FAT3: variants seen among roughly 807,000 people sequenced by gnomAD.
FAT3 encodes protocadherin Fat 3.
In FAT3, 95 loss-of-function variants were observed where a neutral mutation model predicts 310.2. That is an observed-to-expected ratio of 0.31 (90% CI 0.26 to 0.36). The LOEUF (loss-of-function observed/expected upper bound fraction) is 0.36, where lower values mean the gene tolerates loss of function less well. FAT3 is among the 10% of genes least tolerant of loss of function. The pLI, the probability that FAT3 is intolerant of heterozygous loss-of-function variation, is 1.00. For missense variants in FAT3, 5,408 were observed against 5,715.6 expected (o/e 0.95, Z 1.74); for synonymous variants, 2,314 against 2,192.9 (o/e 1.06, Z -1.54).
intron 2 of FAT3, among the ~76,000 whole-genome samples, chr11:92,444,807 A>G (rs1319800176): frequency 6.6e-6 from 1 of 152,160 alleles, no homozygotes; most frequent in Non-Finnish European, 1.5e-5. Context: ...AGACACATCA[A>G]CAGGAAGTTA....
chr11:92,636,345 G>A (rs1469685245), intron 3 of FAT3, among the ~76,000 whole-genome samples: 1 of 152,142 alleles, frequency 6.6e-6, no homozygotes, highest in Non-Finnish European at 1.5e-5. Context: ...AAAAGCTAAG[G>A]CTAAGTTATA....
At chr11:92,386,136 G>A (rs606529) in intron 2 of FAT3, among the ~76,000 whole-genome samples, 51,645 of 151,974 alleles carry the variant, frequency 0.34, 11,793 homozygotes, top group African/African-American at 0.66. Flanking sequence ...AAGAAAGAAA[G>A]GAAAGAAGTT....
intron 1 of FAT3, among the ~76,000 whole-genome samples, chr11:92,318,769 G>A (rs1483028387): frequency 1.3e-5 from 2 of 152,184 alleles, no homozygotes; most frequent in Non-Finnish European, 2.9e-5. Flanking sequence ...GAAGTTTAAT[G>A]CTTGGGGAAG....
At chr11:92,247,502 T>C (rs1036884702) in intron 1 of FAT3, among the ~76,000 whole-genome samples, 2 of 151,984 alleles carry the variant, frequency 1.3e-5, no homozygotes, top group African/African-American at 4.8e-5. Context: ...TACAGACACA[T>C]GGGATACCTC....
intron 3 of FAT3, among the ~76,000 whole-genome samples, chr11:92,577,536 T>C (rs1938550778): frequency 6.6e-6 from 1 of 152,178 alleles, no homozygotes; most frequent in Non-Finnish European, 1.5e-5. Flanking sequence ...AGCATACACT[T>C]CACCTGAAAT....
At chr11:92,872,559 C>T (rs1308264355) in intron 22 of FAT3, among the ~76,000 whole-genome samples, 2 of 152,194 alleles carry the variant, frequency 1.3e-5, no homozygotes, top group Non-Finnish European at 2.9e-5. Flanking sequence ...AAAAAAACCT[C>T]ATGGTAACAG....
intron 3 of FAT3, among the ~76,000 whole-genome samples, chr11:92,626,020 G>A (rs1245290413): frequency 3.9e-5 from 6 of 152,178 alleles, no homozygotes; most frequent in Non-Finnish European, 7.3e-5. Context: ...ATGCAAGAGA[G>A]TAGCCAGAAC....
At chr11:92,339,489 C>T (rs1591132580) in intron 1 of FAT3, among the ~76,000 whole-genome samples, 1 of 152,116 alleles carries the variant, frequency 6.6e-6, no homozygotes, top group African/African-American at 2.4e-5. Flanking sequence ...TTTCTTCGTT[C>T]GGTTTATAGT....
chr11:92,805,077 G>A, intron 10 of FAT3, 76 bp from the exon 11 acceptor site: 1 of 1,447,240 alleles, frequency 6.9e-7, no homozygotes, highest in South Asian at 1.4e-5. Flanking sequence ...GACTCCACAT[G>A]CACCTCTCAA....
chr11:92,488,450 G>GCCCCCCCCCC lies in FAT3; in HGVS notation c.3293-36182_3293-36173dup, dbSNP rs796106709. 5.4e-4 allele frequency among the ~76,000 whole-genome samples: 5 copies of GCCCCCCCCCC among 9,334 alleles called. 1 individual carries two copies. The highest frequency in any genetic ancestry group is 6.4e-4 in the Non-Finnish European group (2 of 3,138). The allele number at this position is 9,334 out of a possible 152,430, so 6.1% of individuals were successfully genotyped here. ...TACACAGAAATAAATAACTAGCACC[G>GCCCCCCCCCC]CCCCCCCCCCCGCCCCCCAACCAGC... On this transcript the variant is annotated intron_variant, in intron 2 of 27. Coordinates refer to ENST00000525166, the MANE Select transcript of FAT3 (RefSeq NM_001367949.2).
In FAT3 at chr11:92,859,245, C is replaced by G. The variant is rs892580163; in HGVS notation, c.11581C>G (p.Leu3861Val). The G allele has an allele frequency of 2.5e-6, 4 of 1,613,688 alleles. No individual in the cohort carries two copies. The African/African-American group carries it at 5.3e-5, about 22-fold the overall frequency. The change falls in exon 21 of 28, where the codon CTA becomes GTA. Residue 3861 changes from leucine (L) to valine (V), a missense_variant. By Grantham distance (32) the Leu-to-Val change is conservative (BLOSUM62 1). Around this residue, in one of 5 missense-constraint regions of FAT3, gnomAD observed 4,588 missense variants for 4,809.8 expected, o/e 0.95. Transcript: ENST00000525166. ...AAATAGCAAAGAAGAGGATTTCAAA[C>G]TAGCTCTGCGTCTTCGAACACTGCA... Reference protein sequence around the residue: ...SENSKEEDFKLALRLRTLQSN... With the variant: ...SENSKEEDFKVALRLRTLQSN...
chr11:92,867,187 C>T lies in FAT3; in HGVS notation c.12105C>T (p.Ser4035=), dbSNP rs779127502. 1 of 1,580,930 alleles carries T rather than the reference C, an allele frequency of 6.3e-7. No individual in the cohort carries two copies. Among genetic ancestry groups the T allele is most frequent in the South Asian group, 1.1e-5 (1 of 87,242 alleles). The stretch of plus-strand genomic sequence containing the variant: ...GCAGCCCGTGCCAGCACGGGGGCAG[C>T]TGCACTGGCCTGCCATCGGGGGGTG... ...CKRSPCQHGG[S]CTGLPSGGYQ... Residue 4035 remains serine, a synonymous_variant, in exon 22 of 28, where the codon AGC becomes AGT. Transcript: ENST00000525166.
chr11:92,739,403 C>T (rs1341967973), intron 4 of FAT3, among the ~76,000 whole-genome samples: 1 of 152,196 alleles, frequency 6.6e-6, no homozygotes, highest in Non-Finnish European at 1.5e-5. Flanking sequence ...GATCAATAGA[C>T]ATTCCTATTG....
At position 92,285,811 on chromosome 11, in the gene FAT3, T is replaced by A. The variant is rs557174490; in HGVS notation, c.-18+60637T>A. 1.6e-3 allele frequency among the ~76,000 whole-genome samples: 241 copies of A among 152,264 alleles called. 1 individual carries two copies. The highest frequency in any genetic ancestry group is 5.7e-3 in the African/African-American group (237 of 41,556). ...AGTATCTGTAGTCCTTATGTATCTG[T>A]CTATATGTGTTGAATTAAGGTAGCA... On this transcript the variant is annotated intron_variant, in intron 1 of 27. Coordinates refer to ENST00000525166, the MANE Select transcript of FAT3 (RefSeq NM_001367949.2).
At chr11:92,623,139 T>G (rs1160171848) in intron 3 of FAT3, among the ~76,000 whole-genome samples, 1 of 152,302 alleles carries the variant, frequency 6.6e-6, no homozygotes, top group African/African-American at 2.4e-5. Flanking sequence ...ATGCAAACAC[T>G]TTCTATCATG....
At chr11:92,394,376 G>T (rs1244001116) in intron 2 of FAT3, among the ~76,000 whole-genome samples, 19 of 152,078 alleles carry the variant, frequency 1.2e-4, no homozygotes, top group Admixed American at 1.2e-3. Context: ...TCAAGCCTGG[G>T]AATTGGAGGC....
At chr11:92,871,983 T>G (rs1591837151) in intron 22 of FAT3, among the ~76,000 whole-genome samples, 1 of 151,800 alleles carries the variant, frequency 6.6e-6, no homozygotes, top group South Asian at 2.1e-4. Context: ...AAAATTAGTA[T>G]AAAGGTGGAG....
intron 1 of FAT3, among the ~76,000 whole-genome samples, chr11:92,340,158 C>G (rs1948209497): frequency 6.7e-6 from 1 of 149,206 alleles, no homozygotes; most frequent in South Asian, 2.1e-4. Context: ...TTGGCGGAAC[C>G]TTTTCAGCCA....
intron 2 of FAT3, among the ~76,000 whole-genome samples, chr11:92,399,852 C>A (rs372887225): frequency 6.6e-6 from 1 of 152,130 alleles, no homozygotes; most frequent in Non-Finnish European, 1.5e-5. Flanking sequence ...CACTAATATC[C>A]GTGTATTCAC....
Sources: gnomAD v4.1 joint callset for allele counts (sites outside exome capture counted in the v4.1 genomes callset) on GRCh38, gnomAD v4.1.1 for gene constraint, gnomAD v4.1.1 regional missense constraint, MANE v1.5 for transcripts, NCBI Gene and HGNC (gene_info 2026-07-23, HGNC 2026-07-21) for gene names.